The following DENND4A variants were observed in gnomAD, a reference collection of about 807,000 sequenced individuals.
DENND4A encodes the protein C-myc promoter-binding protein.
Under a neutral mutation model 199.3 loss-of-function variants are expected in DENND4A, and 70 were observed. That is an observed-to-expected ratio of 0.35 (90% CI 0.29 to 0.43). The LOEUF is 0.43. Among genes scored for constraint, DENND4A ranks in the 20% least tolerant of loss-of-function variants. The pLI is 1.00. For synonymous variants in DENND4A, 686 were observed against 766.9 expected (o/e 0.89, Z 1.74); for missense variants, 1,723 against 2,255.8 (o/e 0.76, Z 4.78).
intron 29 of DENND4A, among the ~76,000 whole-genome samples, chr15:65,666,367 CTA>C (rs2076038068): frequency 6.6e-6 from 1 of 152,066 alleles, no homozygotes; most frequent in South Asian, 2.1e-4. Flanking sequence ...ACAGAGATGG[CTA>C]CTCAATGATT....
intron 1 of DENND4A, among the ~76,000 whole-genome samples, chr15:65,779,236 G>A (rs576021117): frequency 2.6e-5 from 4 of 151,974 alleles, no homozygotes; most frequent in African/African-American, 7.2e-5. Context: ...CGCGTGGATC[G>A]TCTGGGATCA....
intron 4 of DENND4A, among the ~76,000 whole-genome samples, chr15:65,743,923 T>A (rs556403062): frequency 6.6e-6 from 1 of 150,490 alleles, no homozygotes; most frequent in African/African-American, 2.4e-5. Flanking sequence ...CTTCTATTAC[T>A]CTTGGAGATA....
chr15:65,710,541 T>C (rs1189898008), intron 14 of DENND4A, among the ~76,000 whole-genome samples: 3 of 152,156 alleles, frequency 2.0e-5, no homozygotes, highest in Non-Finnish European at 4.4e-5. Flanking sequence ...GAGAAAATCA[T>C]TCAAAGTTGG....
intron 1 of DENND4A, among the ~76,000 whole-genome samples, chr15:65,775,012 A>C (rs1484887554): frequency 6.6e-6 from 1 of 151,652 alleles, no homozygotes; most frequent in South Asian, 2.1e-4. Context: ...GCCACCACAC[A>C]CAGCCCATAT....
chr15:65,732,672 G>A (rs11071849), intron 8 of DENND4A, 80 bp downstream of exon 8: 413,921 of 837,236 alleles, frequency 0.49, 110,427 homozygotes, highest in African/African-American at 0.87. Flanking sequence ...TCCTCATTCA[G>A]AATTGTTATT....
chr15:65,729,313 C>T (rs1015080731), intron 10 of DENND4A, 66 bp from the exon 11 acceptor site: 4 of 1,497,452 alleles, frequency 2.7e-6, no homozygotes, highest in East Asian at 4.9e-5. Flanking sequence ...TATCAGCACA[C>T]ACAAAAAACT....
intron 1 of DENND4A, among the ~76,000 whole-genome samples, chr15:65,780,723 A>G (rs2077414887): frequency 6.6e-6 from 1 of 152,252 alleles, no homozygotes; most frequent in Non-Finnish European, 1.5e-5. Flanking sequence ...TGTTCTAAGT[A>G]CTTTACTTGC....
intron 13 of DENND4A, among the ~76,000 whole-genome samples, chr15:65,716,502 T>G (rs559755778): frequency 1.3e-5 from 2 of 150,820 alleles, no homozygotes; most frequent in East Asian, 3.9e-4. Flanking sequence ...GGTGTTTGGT[T>G]TTTTGTCCTT....
At chr15:65,725,503 C>T (rs948077464) in intron 11 of DENND4A, among the ~76,000 whole-genome samples, 2 of 151,860 alleles carry the variant, frequency 1.3e-5, no homozygotes, top group Non-Finnish European at 1.5e-5. Flanking sequence ...GGTGAAACCC[C>T]GTCTCTACTA....
At chr15:65,740,751 A>G (rs1412827336) in intron 5 of DENND4A, among the ~76,000 whole-genome samples, 1 of 152,086 alleles carries the variant, frequency 6.6e-6, no homozygotes, top group Admixed American at 6.6e-5. Context: ...GCTTGAGCCC[A>G]AGAGTTTAAG....
Position 65,660,441 on chromosome 15 carries a change from T to G in DENND4A, c.*1410A>C. ...TGGCTTTATACACCTAATTTGGGAC[T>G]ATCCATTTTTTCCTTCTTTAAAGCT... On this transcript the variant is annotated 3_prime_UTR_variant, in exon 33 of 33. Coordinates refer to ENST00000443035, the MANE Select transcript of DENND4A (RefSeq NM_001320835.1). The G allele has an allele frequency of 1.5e-6, 1 of 657,050 alleles. No individual in the cohort carries two copies. Among genetic ancestry groups the G allele is most frequent in the Non-Finnish European group, 2.5e-6 (1 of 396,694 alleles). 40.7% of individuals were successfully genotyped at this position (657,050 alleles called of 1,614,324 possible).
rs1567024146 is a variant in DENND4A at position 65,703,113 on chromosome 15, T to C, written c.2088-105A>G. ...AATTACGACCAATAACTTCTTCACA[T>C]AGAATTTAACTATCTTTCTTTGTCA... is the stretch of plus-strand genomic sequence containing the variant. On this transcript the variant is annotated intron_variant, in intron 15 of 32. Coordinates refer to ENST00000443035, the MANE Select transcript of DENND4A (RefSeq NM_001320835.1). 5.9e-6 allele frequency: 6 copies of C among 1,022,422 alleles called. No homozygotes were observed. The East Asian group carries it at 1.0e-4, about 17-fold the overall frequency. 63.3% of individuals were successfully genotyped at this position (1,022,422 alleles called of 1,614,324 possible).
At chr15:65,791,612 C>T (rs1203655254) in intron 1 of DENND4A, among the ~76,000 whole-genome samples, 1 of 152,130 alleles carries the variant, frequency 6.6e-6, no homozygotes, top group Non-Finnish European at 1.5e-5. Context: ...CCGCCTGTCT[C>T]AGATACCGAG....
At position 65,697,365 on chromosome 15, in the gene DENND4A, C is replaced by T. The variant is rs755940590; in HGVS notation, c.2852G>A (p.Gly951Glu). 7 of 1,602,488 alleles carry T rather than the reference C, an allele frequency of 4.4e-6. No homozygotes were observed. In the East Asian group the frequency reaches 1.6e-4, roughly 36 times the overall value. The change falls in exon 21 of 33, where the codon GGA (glycine) becomes GAA (glutamate). Residue 951 changes from glycine to glutamate, a missense_variant. By Grantham distance (98) the Gly-to-Glu change is moderately conservative. Transcript: ENST00000443035. ...TTCATCTTTAGATAATGAATTATAT[C>T]CAAGATCAGACTGGCCACCTGGTAA... ...RSSTGGQSDLGYNSLSKDEVR... is the reference protein window; with the variant it reads ...RSSTGGQSDLEYNSLSKDEVR...
At chr15:65,700,031 C>G (rs1213615370) in intron 20 of DENND4A, among the ~76,000 whole-genome samples, 2 of 151,806 alleles carry the variant, frequency 1.3e-5, no homozygotes, top group Non-Finnish European at 2.9e-5. Context: ...CTTTTAAAAT[C>G]ACTTAAGATT....
chr15:65,767,893 G>A (rs534424191), intron 1 of DENND4A, among the ~76,000 whole-genome samples: 2 of 152,146 alleles, frequency 1.3e-5, no homozygotes, highest in African/African-American at 4.8e-5. Flanking sequence ...GAAGACGAGA[G>A]ATAAAGGAGA....
intron 1 of DENND4A, among the ~76,000 whole-genome samples, chr15:65,780,962 A>T (rs1234004613): frequency 1.3e-5 from 2 of 152,180 alleles, no homozygotes; most frequent in African/African-American, 4.8e-5. Context: ...GAGCTATAAC[A>T]TAGTTACCAA....
chr15:65,661,785 CTA>C lies in DENND4A; in HGVS notation c.*64_*65del, dbSNP rs1392264260. 2.0e-5 allele frequency: 27 copies of C among 1,356,710 alleles called. No homozygotes were observed. Among genetic ancestry groups the C allele is most frequent in the Admixed American group, 2.7e-5 (1 of 37,704 alleles). 84.0% of individuals were successfully genotyped at this position (1,356,710 alleles called of 1,614,324 possible). A position where few individuals can be genotyped will look rare whatever the true frequency, so the allele number is the denominator to read the frequency against. On this transcript the variant is annotated 3_prime_UTR_variant, in exon 33 of 33. Coordinates refer to ENST00000443035, the MANE Select transcript of DENND4A (RefSeq NM_001320835.1). The stretch of plus-strand genomic sequence containing the variant: ...AAATTGAAGAAAAAATATTTAGAGT[CTA>C]AAAGTGTTATTTTATACACTGACTA...
intron 1 of DENND4A, among the ~76,000 whole-genome samples, chr15:65,789,483 TAA>T: frequency 7.1e-6 from 1 of 141,340 alleles, no homozygotes; most frequent in Non-Finnish European, 1.5e-5. Context: ...TTCTACTGAA[TAA>T]ACAATCAATA....
Sources: gnomAD v4.1 joint callset for allele counts (sites outside exome capture counted in the v4.1 genomes callset) on GRCh38, gnomAD v4.1.1 for gene constraint, MANE v1.5 for transcripts, NCBI Gene and HGNC (gene_info 2026-07-23, HGNC 2026-07-21) for gene names.